Variants in ANK1 observed in about 807,000 individuals in gnomAD.
ANK1 encodes the protein ankyrin-1.
ANK1 carries 51 observed loss-of-function variants against 210.4 expected under a neutral mutation model. The ratio of observed to expected loss-of-function variants is 0.24; its 90% confidence interval spans 0.19 to 0.31. ANK1 has a LOEUF of 0.31. Ranked by LOEUF, ANK1 falls within the 10% of genes least tolerant of loss-of-function variation. The pLI, the probability that ANK1 is intolerant of heterozygous loss-of-function variation, is 1.00. For synonymous variants in ANK1, 967 were observed against 1,025.9 expected, an observed-to-expected ratio of 0.94 and a Z score of 1.10; for missense variants, 2,051 against 2,504.4, an observed-to-expected ratio of 0.82 and a Z score of 3.86.
intron 1 of ANK1, among the ~76,000 whole-genome samples, chr8:41,846,553 G>A (rs565200335): frequency 6.6e-6 from 1 of 152,338 alleles, no homozygotes; most frequent in East Asian, 1.9e-4. Flanking sequence ...GGGGCCAAGG[G>A]GAAATTGCTT....
chr8:41,793,916 C>T (rs1234936459), intron 1 of ANK1, among the ~76,000 whole-genome samples: 1 of 152,132 alleles, frequency 6.6e-6, no homozygotes, highest in Non-Finnish European at 1.5e-5. Flanking sequence ...TATTAATACC[C>T]AGGTATAGCC....
intron 37 of ANK1, among the ~76,000 whole-genome samples, chr8:41,683,854 G>A (rs1224224507): frequency 1.3e-5 from 2 of 152,192 alleles, no homozygotes; most frequent in Non-Finnish European, 2.9e-5. Context: ...AGGGGCTTGG[G>A]GGCAGAGGTC....
chr8:41,720,525 C>T (rs904093580), intron 9 of ANK1, among the ~76,000 whole-genome samples: 1 of 152,124 alleles, frequency 6.6e-6, no homozygotes, highest in Non-Finnish European at 1.5e-5. Context: ...ATTAATTCAA[C>T]ACATATCTAT....
chr8:41,752,797 G>GCC (rs1274083393), intron 2 of ANK1, among the ~76,000 whole-genome samples: 2 of 51,188 alleles, frequency 3.9e-5, no homozygotes, highest in South Asian at 8.5e-4. Context: ...GGCACACACA[G>GCC]GCCCCCCCCC....
chr8:41,749,607 A>ACTT (rs757474319), intron 2 of ANK1, among the ~76,000 whole-genome samples: 5 of 140,234 alleles, frequency 3.6e-5, no homozygotes, highest in African/African-American at 1.3e-4. Context: ...CTCATCTTGG[A>ACTT]CTTCTTCTTC....
chr8:41,805,673 A>C (rs892292160), intron 1 of ANK1, among the ~76,000 whole-genome samples: 10 of 152,270 alleles, frequency 6.6e-5, no homozygotes, highest in East Asian at 5.8e-4. Flanking sequence ...AACCAATTTC[A>C]CATTAATACA....
At chr8:41,672,950 G>A (rs774953585) in intron 37 of ANK1, 38 bp from the exon 38 acceptor site, 1 of 1,565,060 alleles carries the variant, frequency 6.4e-7, no homozygotes, top group Admixed American at 1.7e-5. Flanking sequence ...CTCCAGCAGT[G>A]ATTCCTGTCC....
chr8:41,853,203 A>T (rs1423674096), intron 1 of ANK1, among the ~76,000 whole-genome samples: 1 of 152,360 alleles, frequency 6.6e-6, no homozygotes, highest in African/African-American at 2.4e-5. Flanking sequence ...AATTTATAAG[A>T]GAAGAAAAAC....
chr8:41,777,008 C>G (rs1844201746), intron 1 of ANK1, among the ~76,000 whole-genome samples: 1 of 152,232 alleles, frequency 6.6e-6, no homozygotes, highest in Non-Finnish European at 1.5e-5. Context: ...TCTGTTTAAT[C>G]CTCTTATGAA....
chr8:41,799,473 A>T (rs972066001), upstream of ANK1, among the ~76,000 whole-genome samples: 9 of 152,128 alleles, frequency 5.9e-5, no homozygotes, highest in African/African-American at 1.9e-4. Flanking sequence ...TTCACCATCC[A>T]AGGAAGAGGA....
chr8:41,700,569 T>C, intron 22 of ANK1: 1 of 1,081,850 alleles, frequency 9.2e-7, no homozygotes, highest in Non-Finnish European at 1.4e-6. Context: ...GTTGACAAAG[T>C]TATACAACCA....
At position 41,696,480 on chromosome 8, in the gene ANK1, C is replaced by T. The variant is rs770365154; in HGVS notation, c.2843G>A (p.Arg948His). 18 of 1,613,208 alleles carry T rather than the reference C, an allele frequency of 1.1e-5. 1 individual carries two copies. In the African/African-American group the frequency reaches 1.6e-4, roughly 14 times the overall value. The change falls in exon 26 of 43, where the codon CGC (arginine) becomes CAC (histidine). Residue 948 changes from arginine to histidine, a missense_variant. Transcript: ENST00000289734. ...GGGCTTGACCAGGCGGCAGGTGATG[C>T]GGGTGGGCGCTGCGCACGTCCGTGG... ...IPPRTCAAPTRITCRLVKPQK... is the reference protein window; with the variant it reads ...IPPRTCAAPTHITCRLVKPQK...
At chr8:41,830,737 G>T (rs775571712) in intron 1 of ANK1, among the ~76,000 whole-genome samples, 4 of 152,116 alleles carry the variant, frequency 2.6e-5, no homozygotes, top group Non-Finnish European at 5.9e-5. Context: ...CCAAAGAAAC[G>T]CAGACACCAG....
chr8:41,724,898 C>A (rs984240842), intron 6 of ANK1, among the ~76,000 whole-genome samples: 1 of 152,104 alleles, frequency 6.6e-6, no homozygotes, highest in Non-Finnish European at 1.5e-5. Flanking sequence ...CACTGTGTTG[C>A]CCAGGCTGGA....
At chr8:41,864,077 C>T (rs1281672999) in intron 1 of ANK1, among the ~76,000 whole-genome samples, 7 of 152,054 alleles carry the variant, frequency 4.6e-5, no homozygotes, top group African/African-American at 7.2e-5. Context: ...GGTGAAACCC[C>T]GTCTCTACTA....
chr8:41,726,033 T>C (rs1269467143), intron 5 of ANK1, 87 bp from the exon 6 acceptor site: 12 of 1,474,466 alleles, frequency 8.1e-6, no homozygotes, highest in Non-Finnish European at 1.1e-5. Flanking sequence ...CTCGGGCTTA[T>C]GCTCCCAGCA....
At chr8:41,770,710 T>A (rs1168329829) in intron 1 of ANK1, among the ~76,000 whole-genome samples, 1 of 152,162 alleles carries the variant, frequency 6.6e-6, no homozygotes, top group African/African-American at 2.4e-5. Flanking sequence ...TTTGAAAAAC[T>A]TAGGCAGGCG....
intron 37 of ANK1, among the ~76,000 whole-genome samples, chr8:41,676,188 T>G (rs927907159): frequency 1.3e-5 from 2 of 152,212 alleles, no homozygotes; most frequent in African/African-American, 4.8e-5. Flanking sequence ...GGTTGTACCA[T>G]TTTGCATTCC....
At chr8:41,873,789 C>T (rs1230868912) in intron 1 of ANK1, among the ~76,000 whole-genome samples, 2 of 152,216 alleles carry the variant, frequency 1.3e-5, no homozygotes, top group African/African-American at 4.8e-5. Flanking sequence ...GATGCTGCAG[C>T]CCCAGCTTCG....
Sources: allele counts gnomAD v4.1 joint callset (sites outside exome capture counted in the v4.1 genomes callset), GRCh38; gene constraint gnomAD v4.1.1; transcripts MANE v1.5; gene names NCBI Gene and HGNC (gene_info 2026-07-23, HGNC 2026-07-21).